Variants in ZNF804A observed in about 807,000 individuals in gnomAD.
ZNF804A encodes the protein zinc finger protein 804A.
ZNF804A carries 2 observed loss-of-function variants against 16.5 expected under a neutral mutation model. That is an observed-to-expected ratio of 0.12 (90% confidence interval 0.05 to 0.38). ZNF804A has a LOEUF of 0.38. Ranked by LOEUF, ZNF804A falls within the 10% of genes least tolerant of loss-of-function variation. ZNF804A has a pLI of 0.99. For missense variants in ZNF804A, 1,473 were observed against 1,390.7 expected (o/e 1.06, Z -0.94); for synonymous variants, 534 against 489.6 (o/e 1.09, Z -1.20).
intron 1 of ZNF804A, among the ~76,000 whole-genome samples, chr2:184,748,774 GTAAGTGTC>G (rs368173931): frequency 8.6e-4 from 131 of 151,590 alleles, no homozygotes; most frequent in African/African-American, 3.0e-3. Flanking sequence ...ATGGTGAAAG[GTAAGTGTC>G]TAGTTTCGTT....
chr2:184,863,618 T>C (rs1695832349), intron 1 of ZNF804A, among the ~76,000 whole-genome samples: 1 of 151,920 alleles, frequency 6.6e-6, no homozygotes, highest in Non-Finnish European at 1.5e-5. Context: ...AGGAAGTAGC[T>C]TTATTGTAAT....
At chr2:184,714,477 A>C (rs1693183500) in intron 1 of ZNF804A, among the ~76,000 whole-genome samples, 1 of 152,100 alleles carries the variant, frequency 6.6e-6, no homozygotes, top group South Asian at 2.1e-4. Context: ...TTCAGTAAAA[A>C]GCTGGCATTG....
chr2:184,887,012 T>C (rs1684902163), intron 2 of ZNF804A, among the ~76,000 whole-genome samples: 1 of 152,220 alleles, frequency 6.6e-6, no homozygotes, highest in South Asian at 2.1e-4. Flanking sequence ...TTCCTTCCTA[T>C]CATATAGTCA....
At chr2:184,752,183 T>G (rs1435090293) in intron 1 of ZNF804A, among the ~76,000 whole-genome samples, 1 of 151,780 alleles carries the variant, frequency 6.6e-6, no homozygotes. Flanking sequence ...TGTCCTCATA[T>G]GTTCATTGCA....
rs1370694400 is a variant in ZNF804A, at chr2:184,762,493, ATT to A, written c.112-103875_112-103874del. 3.3e-5 allele frequency among the ~76,000 whole-genome samples: 5 copies of A among 151,996 alleles called. No individual in the cohort carries two copies. In the East Asian group the frequency reaches 9.6e-4, roughly 29 times the overall value. Reference sequence around the variant, plus strand: ...TCTAAAGTTTATAAAATTAAAAAATATTGTGTCTTTTTAAATGGCAAATATTT... The same window carrying A: ...TCTAAAGTTTATAAAATTAAAAAATAGTGTCTTTTTAAATGGCAAATATTT... On this transcript the variant is annotated intron_variant, in intron 1 of 3. Transcript: ENST00000302277.
intron 1 of ZNF804A, among the ~76,000 whole-genome samples, chr2:184,728,586 G>T (rs1012956679): frequency 3.9e-5 from 6 of 151,904 alleles, no homozygotes; most frequent in African/African-American, 1.4e-4. Flanking sequence ...ACTGTCTGAA[G>T]ATGGGTGGTA....
At chr2:184,861,803 G>T (rs1368616810) in intron 1 of ZNF804A, among the ~76,000 whole-genome samples, 1 of 152,020 alleles carries the variant, frequency 6.6e-6, no homozygotes, top group Non-Finnish European at 1.5e-5. Flanking sequence ...TTGTCCTTGG[G>T]GTGTGGATAA....
chr2:184,693,725 T>G (rs959255620), intron 1 of ZNF804A, among the ~76,000 whole-genome samples: 1 of 152,218 alleles, frequency 6.6e-6, no homozygotes, highest in East Asian at 1.9e-4. Context: ...AATGTTCTTG[T>G]AGCTGGTGTT....
intron 1 of ZNF804A, among the ~76,000 whole-genome samples, chr2:184,825,592 A>G (rs1481530349): frequency 6.6e-6 from 1 of 152,128 alleles, no homozygotes; most frequent in African/African-American, 2.4e-5. Flanking sequence ...CAAAATGCTC[A>G]TAGGTGTCTC....
chr2:184,884,783 G>A (rs1023744168), intron 2 of ZNF804A, among the ~76,000 whole-genome samples: 16 of 152,056 alleles, frequency 1.1e-4, no homozygotes, highest in Admixed American at 9.2e-4. Context: ...CTGTACATAG[G>A]CCCTGGCAAA....
At chr2:184,750,346 T>C (rs1018655801) in intron 1 of ZNF804A, among the ~76,000 whole-genome samples, 1 of 151,378 alleles carries the variant, frequency 6.6e-6, no homozygotes, top group African/African-American at 2.4e-5. Flanking sequence ...AAATACATAT[T>C]TTCAATATTA....
chr2:184,663,543 G>C (rs1387397638), intron 1 of ZNF804A, among the ~76,000 whole-genome samples: 2 of 152,160 alleles, frequency 1.3e-5, no homozygotes, highest in African/African-American at 4.8e-5. Flanking sequence ...GTAGGAGGCA[G>C]ACAGACTCCT....
At chr2:184,648,051 G>A (rs1315494445) in intron 1 of ZNF804A, among the ~76,000 whole-genome samples, 1 of 152,108 alleles carries the variant, frequency 6.6e-6, no homozygotes, top group East Asian at 1.9e-4. Flanking sequence ...GCAGAACAAA[G>A]GCCAGATGGG....
intron 1 of ZNF804A, among the ~76,000 whole-genome samples, chr2:184,746,878 A>G (rs1264154565): frequency 6.6e-6 from 1 of 151,514 alleles, no homozygotes; most frequent in Non-Finnish European, 1.5e-5. Context: ...TGCAAATGAC[A>G]GGACTTCATT....
rs1360378947 is a variant in ZNF804A at position 184,640,821 on chromosome 2, C to T, written c.111+41751C>T. ...CAAACGAAATACATGGGGCATCTCC[C>T]GTCTTGATAATGAACATCCATGAAA... On this transcript the variant is annotated intron_variant, in intron 1 of 3. Transcript: ENST00000302277. Among the ~76,000 whole-genome samples, 5 of 152,062 alleles carry T rather than the reference C, an allele frequency of 3.3e-5. No individual in the cohort carries two copies. In the South Asian group the frequency reaches 6.2e-4, roughly 19 times the overall value.
At chr2:184,692,936 G>C (rs1313220854) in intron 1 of ZNF804A, among the ~76,000 whole-genome samples, 1 of 152,012 alleles carries the variant, frequency 6.6e-6, no homozygotes, top group Non-Finnish European at 1.5e-5. Flanking sequence ...TTTAATAATT[G>C]AGATAGTGCT....
At chr2:184,920,496 A>G (rs1685514087) in intron 2 of ZNF804A, among the ~76,000 whole-genome samples, 1 of 152,158 alleles carries the variant, frequency 6.6e-6, no homozygotes. Context: ...TATGGTTAAC[A>G]CACTCTAAAG....
intron 1 of ZNF804A, among the ~76,000 whole-genome samples, chr2:184,641,959 C>A (rs539088653): frequency 6.6e-6 from 1 of 152,232 alleles, no homozygotes; most frequent in South Asian, 2.1e-4. Flanking sequence ...TGTCACTCAT[C>A]TGATAGATTT....
At chr2:184,905,783 G>A (rs1685262910) in intron 2 of ZNF804A, among the ~76,000 whole-genome samples, 1 of 152,048 alleles carries the variant, frequency 6.6e-6, no homozygotes, top group African/African-American at 2.4e-5. Flanking sequence ...CTCTACTATT[G>A]CTAAATTAGA....
Sources: allele counts gnomAD v4.1 joint callset (sites outside exome capture counted in the v4.1 genomes callset), GRCh38; gene constraint gnomAD v4.1.1; transcripts MANE v1.5; gene names NCBI Gene and HGNC (gene_info 2026-07-23, HGNC 2026-07-21).